Variants in LEF1 observed in about 807,000 individuals in gnomAD.
LEF1 encodes lymphoid enhancer-binding factor 1.
In LEF1, 14 loss-of-function variants were observed where a neutral mutation model predicts 51.2. The observed-to-expected ratio is 0.27, with a 90% CI of 0.18 to 0.43. The LOEUF is 0.43. Among genes scored for constraint, LEF1 ranks in the 20% least tolerant of loss-of-function variants. LEF1 has a pLI of 1.00. For missense variants in LEF1, 386 were observed against 512.0 expected, an observed-to-expected ratio of 0.75 and a Z score of 2.37; for synonymous variants, 185 against 183.2, an observed-to-expected ratio of 1.01 and a Z score of -0.08.
rs1362202268 is a variant in LEF1, at chr4:108,089,001, G to A, written c.547+124C>T. The A allele has an allele frequency of 3.7e-6, 4 of 1,083,144 alleles. No individual in the cohort carries two copies. In the East Asian group the frequency reaches 7.1e-5, roughly 19 times the overall value. 67.1% of individuals were successfully genotyped at this position (1,083,144 alleles called of 1,614,324 possible). A position where few individuals can be genotyped will look rare whatever the true frequency, so the allele number is the denominator to read the frequency against. On this transcript the variant is annotated intron_variant, in intron 4 of 11. Coordinates refer to ENST00000265165, the MANE Select transcript of LEF1 (RefSeq NM_016269.5). Reference sequence around the variant, plus strand: ...CTATCAAATGAATTACTCTTGTCTTGTAAAAACACATTCTGATCCACCCAG... The same window carrying A: ...CTATCAAATGAATTACTCTTGTCTTATAAAAACACATTCTGATCCACCCAG...
At chr4:108,068,704 A>G (rs1201300357) in intron 9 of LEF1, among the ~76,000 whole-genome samples, 2 of 152,242 alleles carry the variant, frequency 1.3e-5, no homozygotes, top group African/African-American at 4.8e-5. Flanking sequence ...GGAGCATATT[A>G]TAGGAAATAA....
At chr4:108,147,462 T>C (rs1744064073) in intron 3 of LEF1, among the ~76,000 whole-genome samples, 1 of 152,224 alleles carries the variant, frequency 6.6e-6, no homozygotes. Context: ...CTCTGTTTTT[T>C]CCTTATACCC....
intron 3 of LEF1, among the ~76,000 whole-genome samples, chr4:108,147,574 T>C (rs1578397047): frequency 6.6e-6 from 1 of 152,314 alleles, no homozygotes; most frequent in African/African-American, 2.4e-5. Flanking sequence ...TATAATCCTG[T>C]ATTATGTAAC....
intron 3 of LEF1, among the ~76,000 whole-genome samples, chr4:108,117,780 C>T (rs1741930959): frequency 6.6e-6 from 1 of 152,188 alleles, no homozygotes; most frequent in African/African-American, 2.4e-5. Flanking sequence ...GGGCAGCTCG[C>T]CAGCCTCTGC....
intron 3 of LEF1, among the ~76,000 whole-genome samples, chr4:108,117,311 C>T (rs72898303): frequency 0.016 from 2,393 of 151,922 alleles, 68 homozygotes; most frequent in African/African-American, 0.055. Flanking sequence ...AATATTTTAC[C>T]GTGATTAAAT....
rs1745488072 is a variant in LEF1 at position 108,167,491 on chromosome 4, C to T, written c.213+64G>A. 4.5e-6 allele frequency: 7 copies of T among 1,559,886 alleles called. No homozygotes were observed. The South Asian group carries it at 8.1e-5, about 18-fold the overall frequency. On this transcript the variant is annotated intron_variant, in intron 1 of 11. Coordinates refer to ENST00000265165, the MANE Select transcript of LEF1 (RefSeq NM_016269.5). This position sits in a 1 kb window ranked among gnomAD's most constrained non-coding sequence, Gnocchi z 5.7. ...GCGGCCGGGCGCCTTCGTTCCCTTC[C>T]TCCCTCTCTGAGTTTCCCAGGGACC...
At chr4:108,162,112 T>C (rs772322684) in intron 3 of LEF1, among the ~76,000 whole-genome samples, 5 of 152,190 alleles carry the variant, frequency 3.3e-5, no homozygotes, top group African/African-American at 4.8e-5. Flanking sequence ...ACTTTTTAAG[T>C]AGGAGATTCA....
At chr4:108,148,791 C>A (rs544288807) in intron 3 of LEF1, among the ~76,000 whole-genome samples, 123 of 152,232 alleles carry the variant, frequency 8.1e-4, no homozygotes, top group African/African-American at 2.7e-3. Flanking sequence ...TCAGAAACTC[C>A]TATAACAACA....
At chr4:108,139,661 T>C (rs1743514938) in intron 3 of LEF1, among the ~76,000 whole-genome samples, 1 of 152,182 alleles carries the variant, frequency 6.6e-6, no homozygotes, top group African/African-American at 2.4e-5. Context: ...AAGAATGAAA[T>C]ATGTGCTGCC....
chr4:108,087,102 G>C (rs1340170609), intron 4 of LEF1, among the ~76,000 whole-genome samples: 1 of 152,054 alleles, frequency 6.6e-6, no homozygotes, highest in Non-Finnish European at 1.5e-5. Flanking sequence ...TAAGGCAGGA[G>C]AGAAAAAGAA....
At chr4:108,110,304 ATTC>A (rs1741443261) in intron 3 of LEF1, among the ~76,000 whole-genome samples, 2 of 152,214 alleles carry the variant, frequency 1.3e-5, no homozygotes, top group African/African-American at 4.8e-5. Flanking sequence ...AAGTTTCACT[ATTC>A]TTGTTTCTCT....
At chr4:108,063,564 G>T in intron 11 of LEF1, 59 bp downstream of exon 11, 2 of 1,304,802 alleles carry the variant, frequency 1.5e-6, no homozygotes, top group Non-Finnish European at 2.2e-6. Flanking sequence ...AGATTCACAA[G>T]CAAGTGCCTC....
chr4:108,066,346 G>C (rs1345660325), intron 9 of LEF1, among the ~76,000 whole-genome samples: 1 of 152,142 alleles, frequency 6.6e-6, no homozygotes, highest in Non-Finnish European at 1.5e-5. Context: ...TTCAACCCGT[G>C]TCTCAAGTGT....
intron 3 of LEF1, among the ~76,000 whole-genome samples, chr4:108,144,865 CAAAAAAA>C (rs11394687): frequency 4.1e-4 from 17 of 41,926 alleles, no homozygotes; most frequent in African/African-American, 1.2e-3. Context: ...CCCAACCAGC[CAAAAAAA>C]AAAAAAAAAA....
At chr4:108,118,566 C>G (rs1300769375) in intron 3 of LEF1, among the ~76,000 whole-genome samples, 1 of 152,196 alleles carries the variant, frequency 6.6e-6, no homozygotes, top group African/African-American at 2.4e-5. Context: ...TTTAGAAAGG[C>G]CTTAGGCCAG....
At chr4:108,105,181 C>CTTTTTT (rs5860896) in intron 3 of LEF1, among the ~76,000 whole-genome samples, 1 of 131,390 alleles carries the variant, frequency 7.6e-6, no homozygotes. Context: ...GAAGAATCCA[C>CTTTTTT]TTTTTTTTTT....
chr4:108,066,343 C>T (rs923403021), intron 9 of LEF1, among the ~76,000 whole-genome samples: 2 of 152,180 alleles, frequency 1.3e-5, no homozygotes, highest in South Asian at 2.1e-4. Context: ...CCCTTCAACC[C>T]GTGTCTCAAG....
chr4:108,074,870 A>C (rs1738741230), intron 8 of LEF1, among the ~76,000 whole-genome samples: 1 of 152,242 alleles, frequency 6.6e-6, no homozygotes, highest in Non-Finnish European at 1.5e-5. Flanking sequence ...CCTTCATATC[A>C]TATCCTCACT....
chr4:108,147,042 C>G (rs1744037476), intron 3 of LEF1, among the ~76,000 whole-genome samples: 1 of 152,168 alleles, frequency 6.6e-6, no homozygotes, highest in Middle Eastern at 3.4e-3. Flanking sequence ...GCAGGAGGAG[C>G]ACTTGAGCCT....
Sources: gnomAD v4.1 joint callset for allele counts (sites outside exome capture counted in the v4.1 genomes callset) on GRCh38, gnomAD v4.1.1 for gene constraint, Gnocchi (gnomAD v3.1) non-coding constraint, MANE v1.5 for transcripts, NCBI Gene and HGNC (gene_info 2026-07-23, HGNC 2026-07-21) for gene names.